GNG2: variants seen among roughly 807,000 people sequenced by gnomAD.
GNG2 encodes G protein subunit gamma 2, also known as guanine nucleotide-binding protein G(I)/G(S)/G(O) subunit gamma-2.
Under a neutral mutation model 5.5 loss-of-function variants are expected in GNG2, and 5 were observed. That is an observed-to-expected ratio of 0.91 (90% confidence interval 0.48 to 1.92). The LOEUF is 1.92. Among genes scored for constraint, GNG2 ranks in the 30% most tolerant of loss-of-function variants. The pLI is 0.01. For missense variants in GNG2, 55 were observed against 88.4 expected (o/e 0.62, Z 1.52); for synonymous variants, 28 against 32.0 (o/e 0.88, Z 0.42).
intron 3 of GNG2, among the ~76,000 whole-genome samples, chr14:51,954,683 CT>C (rs1487544821): frequency 3.3e-5 from 5 of 152,166 alleles, no homozygotes. Flanking sequence ...GCTCCGTCAC[CT>C]GTCTCTGCTC....
At chr14:51,939,984 T>C (rs1479431263) in intron 2 of GNG2, 1 of 152,236 alleles carries the variant, frequency 6.6e-6, no homozygotes, top group Non-Finnish European at 1.5e-5. Flanking sequence ...GATGCATCGC[T>C]CACTTCCCTT....
chr14:51,925,233 T>A (rs1887239933), intron 2 of GNG2, among the ~76,000 whole-genome samples: 1 of 152,236 alleles, frequency 6.6e-6, no homozygotes, highest in African/African-American at 2.4e-5. Flanking sequence ...GTGTACCCCA[T>A]GAATTATTAT....
intron 2 of GNG2, among the ~76,000 whole-genome samples, chr14:51,842,609 A>G (rs1023316243): frequency 1.3e-5 from 2 of 151,856 alleles, no homozygotes; most frequent in African/African-American, 4.8e-5. Flanking sequence ...TGGTTGGCCT[A>G]TGTTACCACA....
chr14:51,908,563 C>T (rs3030335), intron 2 of GNG2, among the ~76,000 whole-genome samples: 13 of 70,902 alleles, frequency 1.8e-4, no homozygotes, highest in Non-Finnish European at 3.9e-4. Flanking sequence ...TCTATCTATC[C>T]ATATATATAG....
intron 2 of GNG2, among the ~76,000 whole-genome samples, chr14:51,929,691 A>G (rs964821100): frequency 5.3e-5 from 8 of 152,008 alleles, no homozygotes; most frequent in Non-Finnish European, 1.2e-4. Flanking sequence ...ACATTACAGT[A>G]TTTTTTTAAG....
intron 2 of GNG2, among the ~76,000 whole-genome samples, chr14:51,920,665 G>C (rs867874224): frequency 6.6e-6 from 1 of 152,198 alleles, no homozygotes; most frequent in Non-Finnish European, 1.5e-5. Flanking sequence ...GAGCATCGGA[G>C]ATTTTGAGCT....
At chr14:51,878,234 T>C (rs1883807007) in intron 2 of GNG2, among the ~76,000 whole-genome samples, 1 of 152,220 alleles carries the variant, frequency 6.6e-6, no homozygotes, top group Admixed American at 6.5e-5. Context: ...TGATAACGTG[T>C]TTGCCCACTC....
At chr14:51,836,477 A>T (rs185832118) in intron 2 of GNG2, among the ~76,000 whole-genome samples, 27 of 152,320 alleles carry the variant, frequency 1.8e-4, no homozygotes, top group Admixed American at 1.8e-3. Flanking sequence ...TGAGGGTTAA[A>T]TAAAATAATG....
intron 2 of GNG2, among the ~76,000 whole-genome samples, chr14:51,929,492 G>A (rs1275463563): frequency 6.6e-6 from 1 of 152,198 alleles, no homozygotes; most frequent in Non-Finnish European, 1.5e-5. Flanking sequence ...AGCAGCTCCA[G>A]CAGGATTTGC....
chr14:51,954,364 C>G (rs1889156248), intron 3 of GNG2, among the ~76,000 whole-genome samples: 1 of 152,008 alleles, frequency 6.6e-6, no homozygotes, highest in Non-Finnish European at 1.5e-5. Context: ...ACTGTGACAC[C>G]TGGATGAATG....
At chr14:51,831,220 T>G (rs1466468954) in intron 2 of GNG2, among the ~76,000 whole-genome samples, 1 of 152,252 alleles carries the variant, frequency 6.6e-6, no homozygotes, top group Non-Finnish European at 1.5e-5. Flanking sequence ...TCCTCCTTTG[T>G]GTTAGCACAT....
In GNG2 at chr14:51,966,962, G is replaced by GCCCCCCCCCCCCCC. The variant is rs58532727; in HGVS notation, c.*285_*286insCCCCCCCCCCCCCC. ...GTCACTTCTTTTCTGCTATCCCCCA[G>GCCCCCCCCCCCCCC]CCCCCCCCCCAAAATCCTCATGTTT... On this transcript the variant is annotated 3_prime_UTR_variant, in exon 4 of 4. Coordinates refer to ENST00000556766, the MANE Select transcript of GNG2 (RefSeq NM_053064.5). 5.7e-5 allele frequency: 6 copies of GCCCCCCCCCCCCCC among 106,160 alleles called. No individual in the cohort carries two copies. Among genetic ancestry groups the GCCCCCCCCCCCCCC allele is most frequent in the African/African-American group, 1.2e-4 (3 of 24,120 alleles). 6.6% of individuals were successfully genotyped at this position (106,160 alleles called of 1,614,324 possible).
At chr14:51,830,288 G>T (rs1320905034) in intron 2 of GNG2, among the ~76,000 whole-genome samples, 1 of 152,150 alleles carries the variant, frequency 6.6e-6, no homozygotes, top group Non-Finnish European at 1.5e-5. Flanking sequence ...GAGTGCCTCA[G>T]AACTCAGTCT....
chr14:51,906,143 T>G (rs1224027175), intron 2 of GNG2, among the ~76,000 whole-genome samples: 1 of 152,270 alleles, frequency 6.6e-6, no homozygotes, highest in Non-Finnish European at 1.5e-5. Context: ...TGCTAGAATC[T>G]GGGCTTCCCA....
At chr14:51,964,869 T>C (rs1889807540) in intron 3 of GNG2, among the ~76,000 whole-genome samples, 1 of 152,156 alleles carries the variant, frequency 6.6e-6, no homozygotes, top group Non-Finnish European at 1.5e-5. Flanking sequence ...CATGGTGGCA[T>C]GCACCTGTAG....
At chr14:51,903,570 T>A (rs570515538) in intron 2 of GNG2, among the ~76,000 whole-genome samples, 9 of 152,292 alleles carry the variant, frequency 5.9e-5, no homozygotes, top group Admixed American at 2.6e-4. Context: ...TGTATTATTT[T>A]AAAAAAATAC....
At chr14:51,830,922 A>G (rs1438926574) in intron 2 of GNG2, among the ~76,000 whole-genome samples, 1 of 152,214 alleles carries the variant, frequency 6.6e-6, no homozygotes, top group African/African-American at 2.4e-5. Flanking sequence ...AAAATGGCTG[A>G]CAAGACCTGA....
At chr14:51,834,073 AAGGC>A (rs1457476447) in intron 2 of GNG2, among the ~76,000 whole-genome samples, 1 of 152,232 alleles carries the variant, frequency 6.6e-6, no homozygotes, top group African/African-American at 2.4e-5. Context: ...AAAAAAAACA[AAGGC>A]AGACAAAATG....
chr14:51,830,895 T>C (rs924874551), intron 2 of GNG2, among the ~76,000 whole-genome samples: 2 of 152,214 alleles, frequency 1.3e-5, no homozygotes, highest in East Asian at 3.8e-4. Flanking sequence ...AAATTTCAGT[T>C]CAAAAGCTAA....
Sources: allele counts gnomAD v4.1 joint callset (sites outside exome capture counted in the v4.1 genomes callset), GRCh38; gene constraint gnomAD v4.1.1; transcripts MANE v1.5; gene names NCBI Gene and HGNC (gene_info 2026-07-23, HGNC 2026-07-21).